The following CDH3 variants were observed in gnomAD, a reference collection of about 807,000 sequenced individuals.
CDH3 encodes the protein cadherin 3.
In CDH3, 54 loss-of-function variants were observed where a neutral mutation model predicts 82.0. The observed-to-expected ratio is 0.66, with a 90% confidence interval of 0.53 to 0.83. The LOEUF (loss-of-function observed/expected upper bound fraction) is 0.83, where lower values mean the gene tolerates loss of function less well. CDH3 is among the 40% of genes least tolerant of loss of function. The probability of loss-of-function intolerance (pLI) is 0.00; values close to 1 mark genes in which losing one functional copy is unlikely to be tolerated. For missense variants in CDH3, 1,054 were observed against 1,084.6 expected (o/e 0.97, Z 0.40); for synonymous variants, 446 against 437.9 (o/e 1.02, Z -0.23).
chr16:68,728,233 T>C (rs1331879069), downstream of CDH3, among the ~76,000 whole-genome samples: 1 of 152,144 alleles, frequency 6.6e-6, no homozygotes, highest in Non-Finnish European at 1.5e-5. Context: ...TGGCACGATC[T>C]CGGCTCACTG....
At chr16:68,653,450 T>G (rs1284061786) in intron 2 of CDH3, among the ~76,000 whole-genome samples, 1 of 152,026 alleles carries the variant, frequency 6.6e-6, no homozygotes. Flanking sequence ...TGGGTCAGGC[T>G]GGTCTCAAAC....
chr16:68,669,015 A>G (rs1960816120), intron 2 of CDH3, among the ~76,000 whole-genome samples: 1 of 152,180 alleles, frequency 6.6e-6, no homozygotes, highest in South Asian at 2.1e-4. Context: ...CAATTTGCCC[A>G]ATCATGTGAT....
chr16:68,713,744 C>T (rs971594502), intron 1 of CDH3, among the ~76,000 whole-genome samples: 7 of 152,104 alleles, frequency 4.6e-5, no homozygotes, highest in African/African-American at 1.7e-4. Flanking sequence ...ATAGCCCTGG[C>T]TCCTGCCCAC....
chr16:68,713,236 A>G (rs1316092816), intron 1 of CDH3, among the ~76,000 whole-genome samples: 1 of 152,148 alleles, frequency 6.6e-6, no homozygotes, highest in African/African-American at 2.4e-5. Context: ...CTTCACTTTT[A>G]TATGTCTCCC....
At chr16:68,659,834 T>C (rs932940139) in intron 2 of CDH3, among the ~76,000 whole-genome samples, 5 of 151,534 alleles carry the variant, frequency 3.3e-5, no homozygotes, top group African/African-American at 9.7e-5. Context: ...AAAAAACTTA[T>C]GTATGCATAC....
chr16:68,731,229 G>A (rs564265331), downstream of CDH3, among the ~76,000 whole-genome samples: 497 of 129,396 alleles, frequency 3.8e-3, 16 homozygotes, highest in East Asian at 0.077. Context: ...GTGTGGTGGC[G>A]CATGCCTGTA....
At chr16:68,689,336 G>A (rs1318979911) in intron 12 of CDH3, among the ~76,000 whole-genome samples, 2 of 151,890 alleles carry the variant, frequency 1.3e-5, no homozygotes, top group Non-Finnish European at 2.9e-5. Context: ...GGTCAAGACT[G>A]TCCTGGCCAA....
chr16:68,657,050 G>A lies in CDH3; in HGVS notation c.160+11300G>A, dbSNP rs116167677. Among the ~76,000 whole-genome samples the A allele has an allele frequency of 3.1e-3, 475 of 152,148 alleles. 6 individuals are homozygous for A. Among genetic ancestry groups the A allele is most frequent in the East Asian group, 0.02 (105 of 5,170 alleles). ...TTCCTCACTCGCTCCTCCTCCCCCAGCCAAATCTGGGCATCCTCAGGGCTC... is the reference window on the plus strand; with the variant it reads ...TTCCTCACTCGCTCCTCCTCCCCCAACCAAATCTGGGCATCCTCAGGGCTC... On this transcript the variant is annotated intron_variant, in intron 2 of 15. Transcript: ENST00000264012.
At chr16:68,687,924 C>T (rs1961462118) in intron 12 of CDH3, among the ~76,000 whole-genome samples, 188 bp downstream of exon 12, 1 of 151,660 alleles carries the variant, frequency 6.6e-6, no homozygotes, top group African/African-American at 2.4e-5. Context: ...CACAGGACCC[C>T]TAAAAGACCA....
chr16:68,698,161 C>T, intron 15 of CDH3, 30 bp from the exon 16 acceptor site: 1 of 1,609,736 alleles, frequency 6.2e-7, no homozygotes. Flanking sequence ...GGACCCGCCG[C>T]TCCTAACTAC....
At chr16:68,703,355 C>T (rs574416743), downstream of CDH3, among the ~76,000 whole-genome samples, 44 of 152,316 alleles carry the variant, frequency 2.9e-4, no homozygotes, top group African/African-American at 9.6e-4. Flanking sequence ...AGACCCAGCC[C>T]GGGGACTGCT....
intron 2 of CDH3, among the ~76,000 whole-genome samples, chr16:68,647,471 A>T (rs1408003068): frequency 1.3e-5 from 2 of 151,966 alleles, no homozygotes; most frequent in African/African-American, 4.8e-5. Flanking sequence ...AGGCATTTTA[A>T]ACCTTTAGAG....
intron 2 of CDH3, among the ~76,000 whole-genome samples, chr16:68,665,788 A>C (rs1319404593): frequency 6.6e-6 from 1 of 151,856 alleles, no homozygotes; most frequent in Non-Finnish European, 1.5e-5. Context: ...GGGAAGACTC[A>C]CCTCCTAAGG....
At chr16:68,679,508 C>T (rs1961142578) in intron 6 of CDH3, among the ~76,000 whole-genome samples, 1 of 151,952 alleles carries the variant, frequency 6.6e-6, no homozygotes, top group Non-Finnish European at 1.5e-5. Context: ...GCTGGGCCAA[C>T]ATGGTGAAAT....
At chr16:68,696,644 C>T (rs370530797) in intron 15 of CDH3, 47 of 157,880 alleles carry the variant, frequency 3.0e-4, no homozygotes, top group Non-Finnish European at 5.3e-4. Context: ...TCTAGCTGAG[C>T]GGGGCGGGGA....
rs922409533 is a variant in CDH3, at chr16:68,698,672, G to A, written c.*272G>A. 2.1e-5 allele frequency: 11 copies of A among 516,846 alleles called. No homozygotes were observed. Among genetic ancestry groups the A allele is most frequent in the African/African-American group, 1.7e-4 (9 of 52,308 alleles). 32.0% of individuals were successfully genotyped at this position (516,846 alleles called of 1,614,324 possible). On this transcript the variant is annotated 3_prime_UTR_variant, in exon 16 of 16. Transcript: ENST00000264012. Reference sequence around the variant, plus strand: ...AGTTTCCAGAAGCCTCTTACCTGCCGTAAAATGCTCAACCCTGTGTCCTGG... The same window carrying A: ...AGTTTCCAGAAGCCTCTTACCTGCCATAAAATGCTCAACCCTGTGTCCTGG...
intron 12 of CDH3, among the ~76,000 whole-genome samples, chr16:68,691,478 A>G (rs936808219): frequency 3.3e-5 from 5 of 152,334 alleles, no homozygotes; most frequent in African/African-American, 1.2e-4. Flanking sequence ...AAATACTGTG[A>G]TTATTGATTT....
chr16:68,701,245 G>A (rs76103718), downstream of CDH3, among the ~76,000 whole-genome samples: 27 of 152,168 alleles, frequency 1.8e-4, no homozygotes, highest in South Asian at 4.2e-4. Context: ...ACCAGCCCCC[G>A]AGAGGTTTAG....
At chr16:68,674,724 T>C (rs4238742) in intron 2 of CDH3, among the ~76,000 whole-genome samples, 130,195 of 152,078 alleles carry the variant, frequency 0.86, 55,899 homozygotes, top group Non-Finnish European at 0.89. Flanking sequence ...GACAGAGTGA[T>C]ACCCTGTCTC....
Sources: allele counts gnomAD v4.1 joint callset (sites outside exome capture counted in the v4.1 genomes callset), GRCh38; gene constraint gnomAD v4.1.1; transcripts MANE v1.5; gene names NCBI Gene and HGNC (gene_info 2026-07-23, HGNC 2026-07-21).